Variants in SH3D21 observed in about 807,000 individuals in gnomAD.
The protein encoded by SH3D21 is SH3 domain-containing protein 21.
Under a neutral mutation model 82.1 loss-of-function variants are expected in SH3D21, and 83 were observed. The ratio of observed to expected loss-of-function variants is 1.01; its 90% CI spans 0.85 to 1.21. The LOEUF (loss-of-function observed/expected upper bound fraction) is 1.21, where lower values mean the gene tolerates loss of function less well. Among genes scored for constraint, SH3D21 ranks in the 50% most tolerant of loss-of-function variants. The pLI, the probability that SH3D21 is intolerant of heterozygous loss-of-function variation, is 0.00. For missense variants in SH3D21, 980 were observed against 962.1 expected (o/e 1.02, Z -0.25); for synonymous variants, 383 against 387.8 (o/e 0.99, Z 0.15).
chr1:36,316,834 G>A (rs1646353752), intron 10 of SH3D21, among the ~76,000 whole-genome samples: 1 of 150,408 alleles, frequency 6.6e-6, no homozygotes, highest in Admixed American at 6.6e-5. Context: ...GCGTGATTTG[G>A]CTCACTGCAA....
rs1410520135 is a variant in SH3D21, at chr1:36,306,991, G to A, written c.226+86G>A. The A allele has an allele frequency of 1.4e-6, 2 of 1,383,296 alleles. No individual in the cohort carries two copies. The highest frequency in any genetic ancestry group is 1.9e-6 in the Non-Finnish European group (2 of 1,062,192). 85.7% of individuals were successfully genotyped at this position (1,383,296 alleles called of 1,614,324 possible). ...GCGTCTCCGGCTCTTAGTGACGGGC[G>A]CGGCTCTGGGCGGGACCTCGGGGCC... On this transcript the variant is annotated intron_variant, in intron 3 of 15. Transcript: ENST00000453908. This position sits in a 1 kb window ranked among gnomAD's most constrained non-coding sequence, Gnocchi z 4.5.
intron 10 of SH3D21, 129 bp downstream of exon 10, chr1:36,309,719 A>G: frequency 2.1e-6 from 2 of 953,618 alleles, no homozygotes; most frequent in Non-Finnish European, 3.1e-6. Context: ...CCTGTGGGTC[A>G]AAAGCTGGGT....
intron 10 of SH3D21, among the ~76,000 whole-genome samples, chr1:36,313,783 T>C (rs996127747): frequency 3.3e-5 from 5 of 151,690 alleles, no homozygotes; most frequent in African/African-American, 7.3e-5. Flanking sequence ...CAGGCTGATA[T>C]TGAACTCCTG....
At chr1:36,314,761 G>A (rs1248664579) in intron 10 of SH3D21, among the ~76,000 whole-genome samples, 4 of 152,014 alleles carry the variant, frequency 2.6e-5, no homozygotes, top group Non-Finnish European at 4.4e-5. Flanking sequence ...TTCTTCGATG[G>A]TGTCCCTTGA....
rs1338732805 is a variant in SH3D21 at position 36,306,503 on chromosome 1, C to G, written c.4+79C>G. ...AGCCCACACCACCCCCCGACCCCCG[C>G]TGCCCTCTACGGTGCTTGGGGACAC... is the stretch of plus-strand genomic sequence containing the variant. On this transcript the variant is annotated intron_variant, in intron 1 of 15. Coordinates refer to ENST00000453908, the MANE Select transcript of SH3D21 (RefSeq NM_001162530.2). This position sits in a 1 kb window ranked among gnomAD's most constrained non-coding sequence, Gnocchi z 4.5. 1.2e-5 allele frequency: 16 copies of G among 1,304,468 alleles called. No homozygotes were observed. In the Middle Eastern group the frequency reaches 1.1e-3, roughly 91 times the overall value. The allele number at this position is 1,304,468 out of a possible 1,614,324, so 80.8% of individuals were successfully genotyped here.
Position 36,306,370 on chromosome 1 carries a change from T to C in SH3D21, c.-51T>C. 7.7e-7 allele frequency: 1 copy of C among 1,305,138 alleles called. No homozygotes were observed. The highest frequency in any genetic ancestry group is 1.5e-5 in the African/African-American group (1 of 65,964). The allele number at this position is 1,305,138 out of a possible 1,614,324, so 80.8% of individuals were successfully genotyped here. ...CAGGTCGCACCCTGCGCGGGCCCAG[T>C]ACTCGGCCGTCAGAGGGAGCTGCCA... is the stretch of plus-strand genomic sequence containing the variant. On this transcript the variant is annotated 5_prime_UTR_variant, in exon 1 of 16. Coordinates refer to ENST00000453908, the MANE Select transcript of SH3D21 (RefSeq NM_001162530.2). This position sits in a 1 kb window ranked among gnomAD's most constrained non-coding sequence, Gnocchi z 4.5.
chr1:36,321,464 G>T, downstream of SH3D21: 2 of 1,046,608 alleles, frequency 1.9e-6, no homozygotes, highest in Non-Finnish European at 2.4e-6. This position sits in a 1 kb window ranked among gnomAD's most constrained non-coding sequence, Gnocchi z 6.1. Context: ...CCCAGGCGGG[G>T]TCGGGCTCTT....
At chr1:36,328,200 G>A, downstream of SH3D21, 1 of 451,504 alleles carries the variant, frequency 2.2e-6, no homozygotes, top group South Asian at 1.6e-5. Flanking sequence ...GGGGGGCCGA[G>A]AGATCCAGAG....
Position 36,319,730 on chromosome 1 carries a change from C to T in SH3D21, c.1067C>T (p.Pro356Leu), listed in dbSNP as rs145513250. ...CCCTCTGTGAAGAGAACCCCCATGC[C>T]GGACAAGACTGCCACCCCAGAGAGG... ...KAPSVKRTPM[P>L]DKTATPERPP... The change falls in exon 14 of 16, where the codon CCG (proline) becomes CTG (leucine). Residue 356 changes from proline (P) to leucine (L), a missense_variant. By Grantham distance (98) the Pro-to-Leu change is moderately conservative (BLOSUM62 -3). Coordinates refer to ENST00000453908, the MANE Select transcript of SH3D21 (RefSeq NM_001162530.2). 43 of 1,596,698 alleles carry T rather than the reference C, an allele frequency of 2.7e-5. No individual in the cohort carries two copies. Among genetic ancestry groups the T allele is most frequent in the African/African-American group, 6.8e-5 (5 of 74,020 alleles).
chr1:36,327,777 G>T (rs1466284289), downstream of SH3D21: 91 of 1,256,630 alleles, frequency 7.2e-5, no homozygotes, highest in Non-Finnish European at 9.1e-5. Context: ...GCCCTGGAGG[G>T]TTTTGAGAAG....
chr1:36,307,115 T>G lies in SH3D21; in HGVS notation c.227-52T>G. ...GTGCGCGCCTTGCGCTTCCCCCAGC[T>G]CCTCTGACTGGGGCGTCCGACTGGA... On this transcript the variant is annotated intron_variant, in intron 3 of 15. Coordinates refer to ENST00000453908, the MANE Select transcript of SH3D21 (RefSeq NM_001162530.2). This position sits in a 1 kb window ranked among gnomAD's most constrained non-coding sequence, Gnocchi z 5.4. 2 of 1,547,582 alleles carry G rather than the reference T, an allele frequency of 1.3e-6. No individual in the cohort carries two copies. Among genetic ancestry groups the G allele is most frequent in the Non-Finnish European group, 1.7e-6 (2 of 1,144,550 alleles).
downstream of SH3D21, chr1:36,324,616 C>G (rs1199086227): frequency 6.6e-6 from 1 of 152,252 alleles, no homozygotes; most frequent in Non-Finnish European, 1.5e-5. Context: ...GCGACCCTCT[C>G]CCTGTCCGGG....
In SH3D21 at chr1:36,315,153, GTCATCCCAACTA is replaced by G. The variant is rs1315262179; in HGVS notation, c.770-3915_770-3904del. On this transcript the variant is annotated intron_variant, in intron 10 of 15. Transcript: ENST00000453908. The stretch of plus-strand genomic sequence containing the variant: ...TAGCAGGGCGTGGTGGCGGGCACCT[GTCATCCCAACTA>G]TCTGGGAGGCTGAGGCACAAGAATC... 7.9e-5 allele frequency among the ~76,000 whole-genome samples: 12 copies of G among 151,926 alleles called. No homozygotes were observed. The East Asian group carries it at 2.2e-3, about 27-fold the overall frequency.
downstream of SH3D21, chr1:36,321,900 A>C: frequency 1.9e-6 from 2 of 1,055,052 alleles, no homozygotes; most frequent in Non-Finnish European, 2.3e-6. This position sits in a 1 kb window ranked among gnomAD's most constrained non-coding sequence, Gnocchi z 6.1. Flanking sequence ...GGTGTGCTGT[A>C]TCGTCGGGTT....
At position 36,306,400 on chromosome 1, in the gene SH3D21, C is replaced by T; in HGVS notation, c.-21C>T. 2 of 1,305,442 alleles carry T rather than the reference C, an allele frequency of 1.5e-6. No homozygotes were observed. The highest frequency in any genetic ancestry group is 2.0e-6 in the Non-Finnish European group (2 of 988,972). 80.9% of individuals were successfully genotyped at this position (1,305,442 alleles called of 1,614,324 possible). A position where few individuals can be genotyped will look rare whatever the true frequency, so the allele number is the denominator to read the frequency against. Reference sequence around the variant, plus strand: ...GGCCGTCAGAGGGAGCTGCCAGGCTCTGGAGGGCGCCCCGGAAACCATGGG... The same window carrying T: ...GGCCGTCAGAGGGAGCTGCCAGGCTTTGGAGGGCGCCCCGGAAACCATGGG... On this transcript the variant is annotated 5_prime_UTR_variant, in exon 1 of 16. Coordinates refer to ENST00000453908, the MANE Select transcript of SH3D21 (RefSeq NM_001162530.2). This position sits in a 1 kb window ranked among gnomAD's most constrained non-coding sequence, Gnocchi z 4.5.
downstream of SH3D21, chr1:36,322,324 C>T (rs770448074): frequency 6.4e-7 from 1 of 1,561,022 alleles, no homozygotes; most frequent in Non-Finnish European, 8.6e-7. Context: ...CCCAGGGTGC[C>T]CGTGGCCGTG....
At chr1:36,325,292 A>C (rs1353861179), downstream of SH3D21, among the ~76,000 whole-genome samples, 1 of 152,186 alleles carries the variant, frequency 6.6e-6, no homozygotes, top group East Asian at 1.9e-4. Context: ...TCAGCCTCCC[A>C]AAGTGCTGGG....
In SH3D21 at chr1:36,310,804, A is replaced by G. The variant is rs552213003; in HGVS notation, c.769+1214A>G. Among the ~76,000 whole-genome samples the G allele has an allele frequency of 1.1e-4, 17 of 152,320 alleles. No individual in the cohort carries two copies. In the South Asian group the frequency reaches 2.7e-3, roughly 24 times the overall value. On this transcript the variant is annotated intron_variant, in intron 10 of 15. Coordinates refer to ENST00000453908, the MANE Select transcript of SH3D21 (RefSeq NM_001162530.2). ...AGTTTTTAAGTTTTCTTACAAAAGT[A>G]TGTGTCTAAACACTGTATCACTAAA...
At chr1:36,311,309 G>C (rs1257333443) in intron 10 of SH3D21, among the ~76,000 whole-genome samples, 3 of 151,528 alleles carry the variant, frequency 2.0e-5, no homozygotes, top group South Asian at 2.1e-4. Context: ...GGCGCAATCT[G>C]GGCTCACTGC....
Sources: gnomAD v4.1 joint callset for allele counts (sites outside exome capture counted in the v4.1 genomes callset) on GRCh38, gnomAD v4.1.1 for gene constraint, Gnocchi (gnomAD v3.1) non-coding constraint, MANE v1.5 for transcripts, NCBI Gene and HGNC (gene_info 2026-07-23, HGNC 2026-07-21) for gene names.